Variants in FBXL17 observed in about 807,000 individuals in gnomAD.
FBXL17 encodes F-box and leucine rich repeat protein 17, also known as F-box/LRR-repeat protein 17.
In FBXL17, 22 loss-of-function variants were observed where a neutral mutation model predicts 66.2. The observed-to-expected ratio is 0.33, with a 90% confidence interval of 0.24 to 0.47. FBXL17 has a LOEUF of 0.47. Ranked by LOEUF, FBXL17 falls within the 20% of genes least tolerant of loss-of-function variation. The pLI is 1.00. For missense variants in FBXL17, 878 were observed against 948.2 expected (o/e 0.93, Z 0.97); for synonymous variants, 474 against 400.5 (o/e 1.18, Z -2.19).
chr5:107,976,328 A>G (rs1383266753), intron 7 of FBXL17, among the ~76,000 whole-genome samples: 2 of 152,240 alleles, frequency 1.3e-5, no homozygotes, highest in Non-Finnish European at 2.9e-5. Flanking sequence ...TAGGGAGGAA[A>G]GAAATTATTT....
rs140387131 is a variant in FBXL17 at position 108,366,238 on chromosome 5, A to G, written c.1117-1243T>C. Reference sequence around the variant, plus strand: ...TCAATTCATCTGGTGAAAAACTCAGATGGCCATCTGAATTTTTGTTTTAAA... The same window carrying G: ...TCAATTCATCTGGTGAAAAACTCAGGTGGCCATCTGAATTTTTGTTTTAAA... On this transcript the variant is annotated intron_variant, in intron 2 of 8. Transcript: ENST00000542267. 1.0e-3 allele frequency among the ~76,000 whole-genome samples: 158 copies of G among 152,174 alleles called. 1 individual carries two copies. The East Asian group carries it at 0.019, about 18-fold the overall frequency.
chr5:107,983,333 A>C (rs551094416), intron 7 of FBXL17, among the ~76,000 whole-genome samples: 1 of 152,084 alleles, frequency 6.6e-6, no homozygotes, highest in South Asian at 2.1e-4. Flanking sequence ...CTGGGACTAC[A>C]GGCACGCGCC....
chr5:108,017,250 G>A (rs539075494), intron 7 of FBXL17, among the ~76,000 whole-genome samples: 34 of 152,244 alleles, frequency 2.2e-4, no homozygotes, highest in African/African-American at 8.2e-4. Context: ...ACGACAAGAA[G>A]GCAAATGAAA....
chr5:108,319,759 C>T (rs1333078726), intron 4 of FBXL17, among the ~76,000 whole-genome samples: 1 of 151,466 alleles, frequency 6.6e-6, no homozygotes, highest in Non-Finnish European at 1.5e-5. Context: ...TTATTTTTAA[C>T]TATATAACTT....
chr5:108,328,053 T>C (rs1178525198), intron 4 of FBXL17, among the ~76,000 whole-genome samples: 2 of 152,168 alleles, frequency 1.3e-5, no homozygotes, highest in Admixed American at 6.5e-5. Context: ...GGAATCTATA[T>C]CTGTCTGACA....
intron 6 of FBXL17, among the ~76,000 whole-genome samples, chr5:108,065,624 T>C (rs1043132973): frequency 9.9e-5 from 15 of 152,188 alleles, no homozygotes; most frequent in African/African-American, 3.4e-4. Context: ...GTATGATTGA[T>C]TACAGATCCC....
At chr5:107,900,042 CA>C (rs1749520501) in intron 7 of FBXL17, among the ~76,000 whole-genome samples, 1 of 152,112 alleles carries the variant, frequency 6.6e-6, no homozygotes, top group South Asian at 2.1e-4. Context: ...ATATTTGAAA[CA>C]TTTTTTTCTG....
chr5:107,924,060 G>GTTTT (rs34494908), intron 7 of FBXL17, among the ~76,000 whole-genome samples: 6 of 107,562 alleles, frequency 5.6e-5, no homozygotes, highest in African/African-American at 2.5e-4. Context: ...TGAGCTTAGT[G>GTTTT]TTTTTTTTTT....
chr5:108,090,543 T>C (rs1408247312), intron 6 of FBXL17, among the ~76,000 whole-genome samples: 3 of 152,214 alleles, frequency 2.0e-5, no homozygotes, highest in African/African-American at 7.2e-5. Flanking sequence ...CTATCACAAC[T>C]ACTGTGCTCA....
chr5:107,871,413 C>T (rs1057049713), intron 8 of FBXL17, among the ~76,000 whole-genome samples: 1 of 152,148 alleles, frequency 6.6e-6, no homozygotes, highest in African/African-American at 2.4e-5. Flanking sequence ...TAACCTGAAG[C>T]CTCTAATTAA....
intron 5 of FBXL17, among the ~76,000 whole-genome samples, chr5:108,206,755 T>C (rs528934169): frequency 1.3e-5 from 2 of 152,338 alleles, no homozygotes; most frequent in South Asian, 4.1e-4. Flanking sequence ...TACCAGATTG[T>C]TTATACATAC....
At chr5:107,939,708 G>A (rs757872909) in intron 7 of FBXL17, among the ~76,000 whole-genome samples, 4 of 151,964 alleles carry the variant, frequency 2.6e-5, no homozygotes, top group African/African-American at 7.3e-5. Flanking sequence ...TTATACAATC[G>A]GAATTATTTC....
chr5:108,355,426 C>A (rs1267344617), intron 3 of FBXL17, among the ~76,000 whole-genome samples: 1 of 151,770 alleles, frequency 6.6e-6, no homozygotes, highest in Non-Finnish European at 1.5e-5. Context: ...GGAATTACAG[C>A]CGTGCGCCAC....
chr5:108,256,720 A>C (rs1363059130), intron 4 of FBXL17, among the ~76,000 whole-genome samples: 2 of 152,178 alleles, frequency 1.3e-5, no homozygotes, highest in Non-Finnish European at 2.9e-5. Context: ...TTTAGTCTTT[A>C]CTTAGTTATG....
intron 6 of FBXL17, among the ~76,000 whole-genome samples, chr5:108,021,548 T>A (rs934825646): frequency 3.3e-5 from 5 of 151,660 alleles, no homozygotes; most frequent in African/African-American, 1.2e-4. Context: ...CTTTAAAGTA[T>A]CTTATTCTTA....
At chr5:108,380,154 G>C (rs1228074591) in intron 1 of FBXL17, among the ~76,000 whole-genome samples, 1 of 152,078 alleles carries the variant, frequency 6.6e-6, no homozygotes, top group Admixed American at 6.6e-5. Flanking sequence ...GGAGAAATCA[G>C]TTTCTTCCTG....
chr5:108,007,902 G>A (rs2112730114), intron 7 of FBXL17, among the ~76,000 whole-genome samples: 1 of 152,256 alleles, frequency 6.6e-6, no homozygotes, highest in African/African-American at 2.4e-5. Context: ...TCCAGCTCTA[G>A]AATCAGCATG....
chr5:108,323,642 A>C (rs914857055), intron 4 of FBXL17, among the ~76,000 whole-genome samples: 3 of 152,054 alleles, frequency 2.0e-5, no homozygotes, highest in African/African-American at 7.2e-5. Flanking sequence ...TAGCCAAAAC[A>C]ATCTTGAAAA....
intron 6 of FBXL17, among the ~76,000 whole-genome samples, chr5:108,183,025 C>T (rs916545220): frequency 6.9e-6 from 1 of 144,498 alleles, no homozygotes; most frequent in Non-Finnish European, 1.5e-5. Context: ...ATTGCAGAAA[C>T]AGTTTTCTAT....
Sources: allele counts gnomAD v4.1 joint callset (sites outside exome capture counted in the v4.1 genomes callset), GRCh38; gene constraint gnomAD v4.1.1; transcripts MANE v1.5; gene names NCBI Gene and HGNC (gene_info 2026-07-23, HGNC 2026-07-21).